The following AIMP1 variants were observed in gnomAD, a reference collection of about 807,000 sequenced individuals.
The protein encoded by AIMP1 is aminoacyl tRNA synthetase complex interacting multifunctional protein 1.
AIMP1 carries 24 observed loss-of-function variants against 33.1 expected under a neutral mutation model. That is an observed-to-expected ratio of 0.73 (90% CI 0.53 to 1.02). AIMP1 has a LOEUF of 1.02. Ranked by LOEUF, AIMP1 falls within the 50% of genes least tolerant of loss-of-function variation. The pLI, the probability that AIMP1 is intolerant of heterozygous loss-of-function variation, is 0.00. For missense variants in AIMP1, 367 were observed against 364.8 expected (o/e 1.01, Z -0.05); for synonymous variants, 120 against 121.5 (o/e 0.99, Z 0.08).
intron 6 of AIMP1, among the ~76,000 whole-genome samples, chr4:106,344,075 T>C (rs1315597778): frequency 6.6e-6 from 1 of 152,164 alleles, no homozygotes; most frequent in Non-Finnish European, 1.5e-5. Flanking sequence ...CTCAGTCTTA[T>C]TATTAATTAA....
intron 3 of AIMP1, among the ~76,000 whole-genome samples, 199 bp from the exon 4 acceptor site, chr4:106,327,877 T>C (rs1769514457): frequency 6.6e-6 from 1 of 152,230 alleles, no homozygotes; most frequent in South Asian, 2.1e-4. Context: ...CATGCCTTTA[T>C]TCTTTGATAC....
chr4:106,340,067 C>A lies in AIMP1; in HGVS notation c.772+3030C>A, dbSNP rs1242683772. 2.0e-5 allele frequency among the ~76,000 whole-genome samples: 3 copies of A among 151,710 alleles called. No individual in the cohort carries two copies. In the East Asian group the frequency reaches 5.8e-4, roughly 29 times the overall value. On this transcript the variant is annotated intron_variant, in intron 6 of 6. Transcript: ENST00000672341. ...TATTTATCTCATATAAGAGGAAGGA[C>A]CTGATAAAAAGAAAAACAGTTAGAA...
At chr4:106,330,898 G>A (rs994966161) in intron 4 of AIMP1, among the ~76,000 whole-genome samples, 1 of 152,042 alleles carries the variant, frequency 6.6e-6, no homozygotes, top group Non-Finnish European at 1.5e-5. Flanking sequence ...CTCTTTGCAG[G>A]TTACAATTAA....
chr4:106,337,154 C>A (rs1769915631), intron 6 of AIMP1, 117 bp downstream of exon 6: 2 of 937,128 alleles, frequency 2.1e-6, no homozygotes, highest in African/African-American at 1.6e-5. Context: ...ACATTAATGA[C>A]CATTATTAAC....
intron 6 of AIMP1, among the ~76,000 whole-genome samples, chr4:106,342,310 C>T (rs1192204781): frequency 6.6e-6 from 1 of 152,090 alleles, no homozygotes; most frequent in Non-Finnish European, 1.5e-5. Context: ...GTGTAGGACT[C>T]CCAGTTCTAT....
intron 5 of AIMP1, among the ~76,000 whole-genome samples, chr4:106,333,841 T>C (rs1769769203): frequency 6.6e-6 from 1 of 151,996 alleles, no homozygotes; most frequent in African/African-American, 2.4e-5. Flanking sequence ...TAACTGTTGC[T>C]TTTTTTCTTA....
At chr4:106,317,980 G>C (rs533298316) in intron 1 of AIMP1, among the ~76,000 whole-genome samples, 23 of 152,088 alleles carry the variant, frequency 1.5e-4, no homozygotes, top group Admixed American at 5.2e-4. Flanking sequence ...TCTGTACTGG[G>C]GAGGAAAGTT....
intron 5 of AIMP1, among the ~76,000 whole-genome samples, chr4:106,333,359 G>T (rs1769750881): frequency 6.6e-6 from 1 of 152,120 alleles, no homozygotes; most frequent in African/African-American, 2.4e-5. Context: ...CCTAGCCTGG[G>T]CTTTTGTTTT....
At chr4:106,317,872 G>A (rs1438836642) in intron 1 of AIMP1, among the ~76,000 whole-genome samples, 1 of 152,178 alleles carries the variant, frequency 6.6e-6, no homozygotes, top group African/African-American at 2.4e-5. Context: ...TATGTAATGG[G>A]TCTAGTCTGC....
At chr4:106,334,070 G>A (rs894741028) in intron 5 of AIMP1, among the ~76,000 whole-genome samples, 4 of 152,074 alleles carry the variant, frequency 2.6e-5, no homozygotes, top group African/African-American at 9.7e-5. Context: ...GTGCTTCAGA[G>A]ATATTGCAAA....
chr4:106,317,524 AAG>A (rs1769000168), intron 1 of AIMP1, among the ~76,000 whole-genome samples: 1 of 152,188 alleles, frequency 6.6e-6, no homozygotes, highest in South Asian at 2.1e-4. Flanking sequence ...GACCAATAAG[AAG>A]AGTTTTGCAA....
At position 106,328,142 on chromosome 4, in the gene AIMP1, TAC is replaced by T. The variant is rs387906865; in HGVS notation, c.292_293del (p.Gln98ValfsTer30). 1.2e-6 allele frequency: 2 copies of T among 1,613,598 alleles called. No homozygotes were observed. The highest frequency in any genetic ancestry group is 1.1e-5 in the South Asian group (1 of 91,068). Reference sequence around the variant, plus strand: ...AATTCTATGGTTTCTGAAAATGTGATACAGTCTACAGCAGTAACAACCGTATC... The same window carrying T: ...AATTCTATGGTTTCTGAAAATGTGATAGTCTACAGCAGTAACAACCGTATC... On this transcript the variant is annotated frameshift_variant, in exon 4 of 7. Coordinates refer to ENST00000672341, the MANE Select transcript of AIMP1 (RefSeq NM_001142416.2). LOFTEE classifies it high-confidence loss of function.
chr4:106,347,707 C>G lies in AIMP1; in HGVS notation c.*15C>G, dbSNP rs1156493459. The G allele has an allele frequency of 6.2e-6, 10 of 1,610,236 alleles. No individual in the cohort carries two copies. Among genetic ancestry groups the G allele is most frequent in the East Asian group, 2.2e-5 (1 of 44,606 alleles). On this transcript the variant is annotated 3_prime_UTR_variant, in exon 7 of 7. Transcript: ENST00000672341. ...GAATCAAATAAAATGCTTCCACTAC[C>G]AAAAGACATTAGAGAAAACCTTAAA...
intron 1 of AIMP1, among the ~76,000 whole-genome samples, chr4:106,317,784 G>A (rs187356699): frequency 1.3e-5 from 2 of 152,112 alleles, no homozygotes; most frequent in Non-Finnish European, 2.9e-5. Context: ...TAATTTTCCT[G>A]GATCTGTCTA....
chr4:106,322,553 T>C (rs961482199), intron 1 of AIMP1, among the ~76,000 whole-genome samples: 1 of 152,216 alleles, frequency 6.6e-6, no homozygotes, highest in Non-Finnish European at 1.5e-5. Context: ...AAATGGCTTT[T>C]AGCACTTGAG....
intron 1 of AIMP1, among the ~76,000 whole-genome samples, chr4:106,323,961 C>G (rs1019249676): frequency 6.6e-6 from 1 of 151,990 alleles, no homozygotes; most frequent in Non-Finnish European, 1.5e-5. Flanking sequence ...TAAGTATAGA[C>G]TGATGCTCAA....
At chr4:106,343,252 G>A (rs562913925) in intron 6 of AIMP1, among the ~76,000 whole-genome samples, 2 of 152,260 alleles carry the variant, frequency 1.3e-5, no homozygotes, top group African/African-American at 4.8e-5. Context: ...TTGTATTTCT[G>A]TGGGATTGGT....
chr4:106,336,431 A>T (rs1248370259), intron 5 of AIMP1, among the ~76,000 whole-genome samples: 1 of 151,978 alleles, frequency 6.6e-6, no homozygotes, highest in Non-Finnish European at 1.5e-5. Flanking sequence ...AAATGTGTCC[A>T]TTTATTTTAA....
Position 106,316,955 on chromosome 4 carries a change from C to G in AIMP1, c.-26+361C>G, listed in dbSNP as rs1416963221. Among the ~76,000 whole-genome samples, 6 of 152,310 alleles carry G rather than the reference C, an allele frequency of 3.9e-5. No homozygotes were observed. The South Asian group carries it at 8.3e-4, about 21-fold the overall frequency. ...AGCGAATAGTTATTAAGCGCCCACT[C>G]TATTCCAGACACCGTTCTAGGCATT... On this transcript the variant is annotated intron_variant, in intron 1 of 6. Coordinates refer to ENST00000672341, the MANE Select transcript of AIMP1 (RefSeq NM_001142416.2).
Sources: gnomAD v4.1 joint callset for allele counts (sites outside exome capture counted in the v4.1 genomes callset) on GRCh38, gnomAD v4.1.1 for gene constraint, MANE v1.5 for transcripts, NCBI Gene and HGNC (gene_info 2026-07-23, HGNC 2026-07-21) for gene names.